The following HIPK3 variants were observed in gnomAD, a reference collection of about 807,000 sequenced individuals.
HIPK3 encodes homeodomain-interacting protein kinase 3.
Under a neutral mutation model 124.2 loss-of-function variants are expected in HIPK3, and 47 were observed. That is an observed-to-expected ratio of 0.38 (90% confidence interval 0.30 to 0.48). The LOEUF (loss-of-function observed/expected upper bound fraction) is 0.48, where lower values mean the gene tolerates loss of function less well. Ranked by LOEUF, HIPK3 falls within the 20% of genes least tolerant of loss-of-function variation. The pLI is 0.98. For missense variants in HIPK3, 1,286 were observed against 1,454.3 expected, an observed-to-expected ratio of 0.88 and a Z score of 1.88; for synonymous variants, 482 against 515.2, an observed-to-expected ratio of 0.94 and a Z score of 0.87.
intron 2 of HIPK3, 115 bp from the exon 3 acceptor site, chr11:33,328,394 TC>T: frequency 2.1e-6 from 2 of 950,552 alleles, no homozygotes; most frequent in African/African-American, 1.6e-5. Flanking sequence ...AGTGAAGAGT[TC>T]CTATACATAG....
intron 2 of HIPK3, among the ~76,000 whole-genome samples, chr11:33,323,742 A>T (rs919999763): frequency 6.6e-6 from 1 of 152,240 alleles, no homozygotes; most frequent in Non-Finnish European, 1.5e-5. Context: ...AAGGATTGAT[A>T]AATTCAACTA....
intron 3 of HIPK3, among the ~76,000 whole-genome samples, chr11:33,330,784 A>ATT (rs1198852696): frequency 7.2e-6 from 1 of 139,246 alleles, no homozygotes. Context: ...AATTTTGATA[A>ATT]TTTTTTTTTT....
At chr11:33,311,385 A>T (rs113487133) in intron 2 of HIPK3, among the ~76,000 whole-genome samples, 2 of 152,156 alleles carry the variant, frequency 1.3e-5, no homozygotes, top group African/African-American at 4.8e-5. Flanking sequence ...GAAGTCTTGC[A>T]GCCCAGACTG....
At chr11:33,276,071 G>A (rs565644619) in intron 1 of HIPK3, among the ~76,000 whole-genome samples, 15 of 152,292 alleles carry the variant, frequency 9.8e-5, no homozygotes, top group African/African-American at 3.4e-4. Context: ...CTACAGAAAA[G>A]CTGCAAGAAT....
intron 10 of HIPK3, 47 bp from the exon 11 acceptor site, chr11:33,347,805 T>C: frequency 1.9e-6 from 3 of 1,612,978 alleles, no homozygotes; most frequent in Non-Finnish European, 1.7e-6. Flanking sequence ...TAGATCTTGA[T>C]TAAAGAAAGA....
intron 8 of HIPK3, among the ~76,000 whole-genome samples, chr11:33,344,409 T>G (rs1001020406): frequency 2.6e-5 from 4 of 151,662 alleles, no homozygotes; most frequent in Non-Finnish European, 5.9e-5. Flanking sequence ...GAATAGCAGG[T>G]TTTTTTTCAG....
At chr11:33,283,426 A>G (rs565970096) in intron 1 of HIPK3, among the ~76,000 whole-genome samples, 2 of 152,190 alleles carry the variant, frequency 1.3e-5, no homozygotes, top group South Asian at 2.1e-4. Flanking sequence ...CGGAATTTCA[A>G]TTTATAATTT....
chr11:33,352,308 T>A (rs373139338), intron 16 of HIPK3, 43 bp downstream of exon 16: 2 of 1,599,560 alleles, frequency 1.3e-6, no homozygotes, highest in Admixed American at 3.4e-5. Flanking sequence ...GGGATTCAAA[T>A]TTAGCAGTTG....
chr11:33,270,848 A>T (rs1343000950), intron 1 of HIPK3, among the ~76,000 whole-genome samples: 1 of 152,202 alleles, frequency 6.6e-6, no homozygotes, highest in Non-Finnish European at 1.5e-5. Context: ...ACATTGTTAT[A>T]TCCAGTTATC....
intron 2 of HIPK3, among the ~76,000 whole-genome samples, chr11:33,322,406 A>G (rs552206842): frequency 2.0e-5 from 3 of 152,344 alleles, no homozygotes; most frequent in Admixed American, 6.5e-5. Context: ...TTGCCAGTAT[A>G]TGAGCAAGAG....
intron 8 of HIPK3, among the ~76,000 whole-genome samples, chr11:33,346,340 A>T (rs1853491584): frequency 6.6e-6 from 1 of 152,222 alleles, no homozygotes; most frequent in Admixed American, 6.5e-5. Flanking sequence ...CTCTCTGCTA[A>T]GAATACTAGT....
Position 33,339,489 on chromosome 11 carries a change from C to G in HIPK3, c.1568C>G (p.Pro523Arg). The G allele has an allele frequency of 1.9e-6, 3 of 1,610,118 alleles. No homozygotes were observed. The highest frequency in any genetic ancestry group is 2.5e-6 in the Non-Finnish European group (3 of 1,177,232). ...ACTCCAGCTGAGACCCTGAACCATC[C>G]TTTTGTTAATATGAAACATCTTCTA... ...RITPAETLNH[P>R]FVNMKHLLDF... is the part of the protein sequence containing the mutation. Residue 523 changes from proline to arginine, a missense_variant, in exon 6 of 17, where the codon CCT (proline) becomes CGT (arginine). Coordinates refer to ENST00000303296, the MANE Select transcript of HIPK3 (RefSeq NM_005734.5).
rs1851858134 is a variant in HIPK3, at chr11:33,296,968, C to G, written c.1097+9457C>G. Among the ~76,000 whole-genome samples the G allele has an allele frequency of 2.6e-5, 4 of 152,112 alleles. No homozygotes were observed. In the South Asian group the frequency reaches 8.3e-4, roughly 31 times the overall value. ...AGCCAAGGCAGGCTGAAAGCTAGGCCTATTGTGGCAAACAGTCAAGTGGCG... is the reference window on the plus strand; with the variant it reads ...AGCCAAGGCAGGCTGAAAGCTAGGCGTATTGTGGCAAACAGTCAAGTGGCG... On this transcript the variant is annotated intron_variant, in intron 2 of 16. Coordinates refer to ENST00000303296, the MANE Select transcript of HIPK3 (RefSeq NM_005734.5).
At chr11:33,320,563 G>A (rs11032226) in intron 2 of HIPK3, among the ~76,000 whole-genome samples, 1 of 152,200 alleles carries the variant, frequency 6.6e-6, no homozygotes, top group African/African-American at 2.4e-5. Context: ...AGTTCTTGCA[G>A]TAATCCAGAT....
chr11:33,351,820 C>T lies in HIPK3; in HGVS notation c.3020C>T (p.Ala1007Val). ...GTGGAACTAGAAAATGGCTTAAATG[C>T]CGATGAGCATATGGCAAACACAGGT... ...PPVELENGLN[A>V]DEHMANTDSI... is the part of the protein sequence containing the mutation. Residue 1007 changes from alanine to valine, a missense_variant, in exon 15 of 17, where the codon GCC becomes GTC. Physicochemically the swap from Ala to Val is moderately conservative, Grantham distance 64. Transcript: ENST00000303296. 1 of 1,613,634 alleles carries T rather than the reference C, an allele frequency of 6.2e-7. No individual in the cohort carries two copies. Among genetic ancestry groups the T allele is most frequent in the Non-Finnish European group, 8.5e-7 (1 of 1,179,604 alleles).
Position 33,298,154 on chromosome 11 carries a change from A to T in HIPK3, c.1097+10643A>T, listed in dbSNP as rs577505786. Among the ~76,000 whole-genome samples, 10 of 152,264 alleles carry T rather than the reference A, an allele frequency of 6.6e-5. No homozygotes were observed. The East Asian group carries it at 1.9e-3, about 29-fold the overall frequency. On this transcript the variant is annotated intron_variant, in intron 2 of 16. Coordinates refer to ENST00000303296, the MANE Select transcript of HIPK3 (RefSeq NM_005734.5). ...TTTAAGTTGTGGCCAATGCTCACTTACCATTCTGAAAATCCCAGAGCCCTT... is the reference window on the plus strand; with the variant it reads ...TTTAAGTTGTGGCCAATGCTCACTTTCCATTCTGAAAATCCCAGAGCCCTT...
At position 33,352,121 on chromosome 11, in the gene HIPK3, A is replaced by G. The variant is rs776242466; in HGVS notation, c.3044-17A>G. ...AAGGAAAAAGCATAAACTCTTTAAT[A>G]TTTTATTCGTCGCCAGATTCTATAT... On this transcript the variant is annotated splice_polypyrimidine_tract_variant and intron_variant, in intron 15 of 16. Coordinates refer to ENST00000303296, the MANE Select transcript of HIPK3 (RefSeq NM_005734.5). 3.1e-6 allele frequency: 5 copies of G among 1,608,784 alleles called. No individual in the cohort carries two copies. Among genetic ancestry groups the G allele is most frequent in the Non-Finnish European group, 3.4e-6 (4 of 1,175,842 alleles).
intron 4 of HIPK3, among the ~76,000 whole-genome samples, chr11:33,337,743 G>A (rs894147617): frequency 2.0e-5 from 3 of 151,572 alleles, no homozygotes; most frequent in African/African-American, 4.9e-5. Flanking sequence ...GTGTAATCTC[G>A]GCTCACTGCA....
At position 33,336,115 on chromosome 11, in the gene HIPK3, G is replaced by T. The variant is rs138098439; in HGVS notation, c.1222-960G>T. Reference sequence around the variant, plus strand: ...AAATATAGCCAGGAGGATGGTGGGTGAGTTACTGAGAAGGGCAGAGTTTGC... The same window carrying T: ...AAATATAGCCAGGAGGATGGTGGGTTAGTTACTGAGAAGGGCAGAGTTTGC... On this transcript the variant is annotated intron_variant, in intron 3 of 16. Transcript: ENST00000303296. 1.2e-4 allele frequency among the ~76,000 whole-genome samples: 18 copies of T among 152,280 alleles called. No individual in the cohort carries two copies. In the East Asian group the frequency reaches 3.3e-3, roughly 28 times the overall value.
Sources: allele counts gnomAD v4.1 joint callset (sites outside exome capture counted in the v4.1 genomes callset), GRCh38; gene constraint gnomAD v4.1.1; transcripts MANE v1.5; gene names NCBI Gene and HGNC (gene_info 2026-07-23, HGNC 2026-07-21).